TMEM120A: variants seen among roughly 807,000 people sequenced by gnomAD.
The protein encoded by TMEM120A is ion channel TACAN.
Under a neutral mutation model 54.3 loss-of-function variants are expected in TMEM120A, and 45 were observed. That is an observed-to-expected ratio of 0.83 (90% CI 0.65 to 1.06). The LOEUF is 1.06. Ranked by LOEUF, TMEM120A falls within the 50% of genes least tolerant of loss-of-function variation. The pLI, the probability that TMEM120A is intolerant of heterozygous loss-of-function variation, is 0.00. For synonymous variants in TMEM120A, 204 were observed against 178.5 expected (o/e 1.14, Z -1.14); for missense variants, 424 against 441.7 (o/e 0.96, Z 0.36).
rs1257740461 is a variant in TMEM120A at position 75,992,500 on chromosome 7, A to C, written c.139T>G (p.Cys47Gly). 5.6e-6 allele frequency: 9 copies of C among 1,596,010 alleles called. No individual in the cohort carries two copies. Among genetic ancestry groups the C allele is most frequent in the Non-Finnish European group, 7.7e-6 (9 of 1,171,692 alleles). The part of the protein sequence containing the change: ...LEELTKLQNN[C>G]TSSITRQKKR... Reference sequence around the variant, plus strand: ...TTCTGCCGCGTGATGGAGCTGGTGCAATTGTTCTGAAGTTTGGTCAGCTCC... The same window carrying C: ...TTCTGCCGCGTGATGGAGCTGGTGCCATTGTTCTGAAGTTTGGTCAGCTCC... Residue 47 changes from cysteine to glycine, a missense_variant, in exon 2 of 12, where the codon TGC becomes GGC. Coordinates refer to ENST00000493111, the MANE Select transcript of TMEM120A (RefSeq NM_031925.3).
chr7:75,994,391 C>A (rs1789975590), intron 1 of TMEM120A, 99 bp downstream of exon 1: 1 of 1,134,872 alleles, frequency 8.8e-7, no homozygotes, highest in Non-Finnish European at 1.3e-6. Flanking sequence ...GACCCCTGAC[C>A]CTTAGCTCCC....
At chr7:75,994,220 A>AGGGACG (rs1292741096) in intron 1 of TMEM120A, among the ~76,000 whole-genome samples, 1 of 152,160 alleles carries the variant, frequency 6.6e-6, no homozygotes, top group African/African-American at 2.4e-5. Context: ...TCTTCTGGGA[A>AGGGACG]GGGACGGGGT....
intron 1 of TMEM120A, among the ~76,000 whole-genome samples, chr7:75,993,398 G>A (rs1211467151): frequency 1.4e-4 from 22 of 152,218 alleles, no homozygotes; most frequent in Middle Eastern, 3.2e-3. Context: ...TAGCACCTTT[G>A]GCCCAAGGAT....
Position 75,987,265 on chromosome 7 carries a change from G to T in TMEM120A, c.939C>A (p.Pro313=). ...KEWQVLMCGF[P]FLLLFLGNFF... ...AATTGCCGAGGAAAAGGAGGAGGAA[G>T]GGAAAGCCGCACATAAGCACCTGCC... The change falls in exon 12 of 12, where the codon CCC becomes CCA. Residue 313 remains proline, a synonymous_variant. Coordinates refer to ENST00000493111, the MANE Select transcript of TMEM120A (RefSeq NM_031925.3). The T allele has an allele frequency of 1.2e-6, 2 of 1,604,594 alleles. No individual in the cohort carries two copies. Among genetic ancestry groups the T allele is most frequent in the Non-Finnish European group, 1.7e-6 (2 of 1,176,182 alleles).
intron 1 of TMEM120A, among the ~76,000 whole-genome samples, chr7:75,993,092 G>A (rs888717492): frequency 5.3e-5 from 8 of 152,186 alleles, no homozygotes; most frequent in Non-Finnish European, 7.4e-5. Context: ...ATAAGCCACC[G>A]CACCCAGCCA....
chr7:75,992,716 C>CT (rs1789897879), intron 1 of TMEM120A, among the ~76,000 whole-genome samples, 159 bp from the exon 2 acceptor site: 1 of 152,180 alleles, frequency 6.6e-6, no homozygotes, highest in Non-Finnish European at 1.5e-5. Flanking sequence ...AGGTGGCTGT[C>CT]TCCCCAAGGC....
chr7:75,989,099 GGGA>G, intron 4 of TMEM120A, 63 bp downstream of exon 4: 2 of 468,206 alleles, frequency 4.3e-6, no homozygotes, highest in Non-Finnish European at 3.8e-6. Flanking sequence ...GGTTGAGGGG[GGGA>G]GGGGGGTAGG....
chr7:75,986,921 C>T lies in TMEM120A; in HGVS notation c.*251G>A. 1 of 594,888 alleles carries T rather than the reference C, an allele frequency of 1.7e-6. No homozygotes were observed. Among genetic ancestry groups the T allele is most frequent in the East Asian group, 2.8e-5 (1 of 36,068 alleles). The allele number at this position is 594,888 out of a possible 1,614,324, so 36.9% of individuals were successfully genotyped here. On this transcript the variant is annotated 3_prime_UTR_variant, in exon 12 of 12. Coordinates refer to ENST00000493111, the MANE Select transcript of TMEM120A (RefSeq NM_031925.3). ...GCATCAACTTAACTAACTCAGACCC[C>T]AGGAACCCATGTGGTGGGGCCACCC...
Position 75,987,617 on chromosome 7 carries a change from G to GT in TMEM120A, c.785-16dup, listed in dbSNP as rs1563439150. 1 of 1,607,552 alleles carries GT rather than the reference G, an allele frequency of 6.2e-7. No individual in the cohort carries two copies. The highest frequency in any genetic ancestry group is 8.5e-7 in the Non-Finnish European group (1 of 1,177,620). Reference sequence around the variant, plus strand: ...CTGGAAGCCCTCTGCGGGGAGGAAGGTCAGGGCACAGGACGGCCAGGGACA... The same window carrying GT: ...CTGGAAGCCCTCTGCGGGGAGGAAGGTTCAGGGCACAGGACGGCCAGGGACA... On this transcript the variant is annotated splice_polypyrimidine_tract_variant and intron_variant, in intron 9 of 11. Transcript: ENST00000493111.
At chr7:75,989,001 C>T (rs1454264052) in intron 4 of TMEM120A, among the ~76,000 whole-genome samples, 164 bp downstream of exon 4, 1 of 5,496 alleles carries the variant, frequency 1.8e-4, no homozygotes, top group East Asian at 6.2e-3. Flanking sequence ...AGGGGAAGGC[C>T]GGGTGGGGTG....
rs1184964236 is a variant in TMEM120A at position 75,987,024 on chromosome 7, G to A, written c.*148C>T. ...TCTTTATTGAGGGCACTGGGCCCAGGTCTTCCTTCAGGGCCCACAGCGCCC... is the reference window on the plus strand; with the variant it reads ...TCTTTATTGAGGGCACTGGGCCCAGATCTTCCTTCAGGGCCCACAGCGCCC... On this transcript the variant is annotated 3_prime_UTR_variant, in exon 12 of 12. Coordinates refer to ENST00000493111, the MANE Select transcript of TMEM120A (RefSeq NM_031925.3). 5.8e-6 allele frequency: 4 copies of A among 687,330 alleles called. No homozygotes were observed. The highest frequency in any genetic ancestry group is 9.9e-6 in the Non-Finnish European group (4 of 403,882). 42.6% of individuals were successfully genotyped at this position (687,330 alleles called of 1,614,324 possible).
chr7:75,994,458 G>T, intron 1 of TMEM120A, 32 bp downstream of exon 1: 1 of 1,542,988 alleles, frequency 6.5e-7, no homozygotes, highest in Non-Finnish European at 8.8e-7. Flanking sequence ...GACGCGGCTC[G>T]GGGGCGACCC....
intron 3 of TMEM120A, 61 bp downstream of exon 3, chr7:75,992,083 G>A: frequency 2.5e-6 from 3 of 1,216,826 alleles, no homozygotes; most frequent in Non-Finnish European, 2.3e-6. Flanking sequence ...CCAAGAGGAG[G>A]CAGCACCCGG....
At chr7:75,992,010 T>A (rs1226780986) in intron 3 of TMEM120A, 134 bp downstream of exon 3, 1 of 613,364 alleles carries the variant, frequency 1.6e-6, no homozygotes, top group East Asian at 2.9e-5. Context: ...TCCCCTGAAG[T>A]CAGCACTGTG....
rs147613710 is a variant in TMEM120A, at chr7:75,987,905, G to A, written c.691+18C>T. 0.037 allele frequency: 59,274 copies of A among 1,600,940 alleles called. 1,305 individuals are homozygous for A. The highest frequency in any genetic ancestry group is 0.044 in the Non-Finnish European group (51,101 of 1,174,264). Reference sequence around the variant, plus strand: ...ACGGGTGCCTCCAGGGCTCAGCACAGACATCTGGGACACTCACTCTGGTAC... The same window carrying A: ...ACGGGTGCCTCCAGGGCTCAGCACAAACATCTGGGACACTCACTCTGGTAC... On this transcript the variant is annotated intron_variant, in intron 8 of 11. Coordinates refer to ENST00000493111, the MANE Select transcript of TMEM120A (RefSeq NM_031925.3).
rs199834444 is a variant in TMEM120A at position 75,992,472 on chromosome 7, T to C, written c.167A>G (p.Lys56Arg). 47 of 1,597,876 alleles carry C rather than the reference T, an allele frequency of 2.9e-5. No individual in the cohort carries two copies. The African/African-American group carries it at 5.2e-4, about 18-fold the overall frequency. The change falls in exon 2 of 12, where the codon AAG becomes AGG. Residue 56 changes from lysine (K) to arginine (R), a missense_variant. By Grantham distance (26) the Lys-to-Arg change is conservative (BLOSUM62 2). Transcript: ENST00000493111. ...GGCGAGGGCCAGCTCCTGGAGCCGC[T>C]TCTTCTGCCGCGTGATGGAGCTGGT... ...NCTSSITRQK[K>R]RLQELALALK...
intron 3 of TMEM120A, among the ~76,000 whole-genome samples, chr7:75,989,461 C>A (rs192287258): frequency 1.3e-5 from 2 of 149,804 alleles, no homozygotes; most frequent in South Asian, 2.2e-4. Flanking sequence ...AGTGTTCCCC[C>A]CCATCTCCAG....
Position 75,994,487 on chromosome 7 carries a change from A to G in TMEM120A, c.81+3T>C, listed in dbSNP as rs782488736. On this transcript the variant is annotated splice_donor_region_variant and intron_variant, in intron 1 of 11. Coordinates refer to ENST00000493111, the MANE Select transcript of TMEM120A (RefSeq NM_031925.3). ...GCGACCCGGCGTCCGCAGCGGCGCT[A>G]ACCTGGATGTTCTGGAAGTCCTGCT... 6 of 1,562,440 alleles carry G rather than the reference A, an allele frequency of 3.8e-6. No homozygotes were observed. The highest frequency in any genetic ancestry group is 5.2e-6 in the Non-Finnish European group (6 of 1,154,598).
chr7:75,994,540 C>G lies in TMEM120A; in HGVS notation c.31G>C (p.Asp11His). 6.4e-7 allele frequency: 1 copy of G among 1,561,230 alleles called. No individual in the cohort carries two copies. Among genetic ancestry groups the G allele is most frequent in the South Asian group, 1.2e-5 (1 of 85,300 alleles). MQPPPPGPLG[D>H]CLRDWEDLQQ... ...AGATCCTCCCAGTCCCGCAGGCAGT[C>G]GCCCAGCGGGCCCGGGGGCGGGGGC... is the stretch of plus-strand genomic sequence containing the variant. The change falls in exon 1 of 12, where the codon GAC becomes CAC. Residue 11 changes from aspartate to histidine, a missense_variant. Physicochemically the swap from Asp to His is moderately conservative, Grantham distance 81. Transcript: ENST00000493111.
Sources: allele counts gnomAD v4.1 joint callset (sites outside exome capture counted in the v4.1 genomes callset), GRCh38; gene constraint gnomAD v4.1.1; transcripts MANE v1.5; gene names NCBI Gene and HGNC (gene_info 2026-07-23, HGNC 2026-07-21).